The following KHDRBS2 variants were observed in gnomAD, a reference collection of about 807,000 sequenced individuals.
KHDRBS2 encodes KH RNA binding domain containing, signal transduction associated 2, also known as KH domain-containing, RNA-binding, signal transduction-associated protein 2.
In KHDRBS2, 26 loss-of-function variants were observed where a neutral mutation model predicts 44.3. The ratio of observed to expected loss-of-function variants is 0.59; its 90% CI spans 0.43 to 0.81. KHDRBS2 has a LOEUF of 0.81. KHDRBS2 is among the 40% of genes least tolerant of loss of function. The probability of loss-of-function intolerance (pLI) is 0.00; values close to 1 mark genes in which losing one functional copy is unlikely to be tolerated. For synonymous variants in KHDRBS2, 194 were observed against 151.1 expected, an observed-to-expected ratio of 1.28 and a Z score of -2.08; for missense variants, 476 against 433.1, an observed-to-expected ratio of 1.10 and a Z score of -0.88.
chr6:61,926,088 T>C (rs1328432935), intron 4 of KHDRBS2, among the ~76,000 whole-genome samples: 3 of 152,298 alleles, frequency 2.0e-5, no homozygotes, highest in East Asian at 1.9e-4. Context: ...TTTAATGTTA[T>C]ATAAAAGTAC....
intron 6 of KHDRBS2, among the ~76,000 whole-genome samples, chr6:61,841,566 A>G (rs1793611844): frequency 6.6e-6 from 1 of 152,162 alleles, no homozygotes; most frequent in Non-Finnish European, 1.5e-5. Context: ...TTTACTAATG[A>G]CATGGTCTTA....
At chr6:62,139,362 C>T (rs1812269348) in intron 2 of KHDRBS2, among the ~76,000 whole-genome samples, 1 of 152,002 alleles carries the variant, frequency 6.6e-6, no homozygotes, top group South Asian at 2.1e-4. Flanking sequence ...ACCATCCTGG[C>T]TAACACAGTG....
intron 7 of KHDRBS2, among the ~76,000 whole-genome samples, chr6:61,709,325 C>T (rs781319718): frequency 2.0e-5 from 3 of 151,468 alleles, no homozygotes; most frequent in Non-Finnish European, 4.4e-5. Context: ...AGGACAGTGA[C>T]ATATTTGCTC....
At chr6:61,552,355 T>C in the KHDRBS2 span, among the ~76,000 whole-genome samples, 1 of 152,176 alleles carries the variant, frequency 6.6e-6, no homozygotes, top group Non-Finnish European at 1.5e-5. Flanking sequence ...TTTTTGTACA[T>C]TGATTTTGTA....
intron 2 of KHDRBS2, 145 bp from the exon 3 acceptor site, chr6:62,048,139 C>A: frequency 1.7e-6 from 1 of 595,466 alleles, no homozygotes; most frequent in Non-Finnish European, 3.0e-6. Context: ...CACACACACA[C>A]ACACACACAC....
At chr6:61,858,977 G>A (rs1796534675) in intron 6 of KHDRBS2, among the ~76,000 whole-genome samples, 1 of 151,772 alleles carries the variant, frequency 6.6e-6, no homozygotes, top group African/African-American at 2.4e-5. Context: ...TGGAAAATAT[G>A]GAACAAACAG....
chr6:61,597,759 C>CATAT, the KHDRBS2 span, among the ~76,000 whole-genome samples: 3 of 50,116 alleles, frequency 6.0e-5, no homozygotes, highest in Non-Finnish European at 1.2e-4. Flanking sequence ...TATATATATA[C>CATAT]ATATATATAT....
intron 4 of KHDRBS2, among the ~76,000 whole-genome samples, chr6:61,960,457 C>T (rs1162254786): frequency 1.3e-5 from 2 of 152,084 alleles, no homozygotes; most frequent in Admixed American, 1.3e-4. Context: ...TTACACTCAA[C>T]TAACCAATTA....
At chr6:61,808,770 T>C (rs565069602) in intron 6 of KHDRBS2, among the ~76,000 whole-genome samples, 1 of 152,240 alleles carries the variant, frequency 6.6e-6, no homozygotes, top group Non-Finnish European at 1.5e-5. Flanking sequence ...TACAGGAATG[T>C]AAAAAATACA....
chr6:61,969,556 T>C (rs558299928), intron 4 of KHDRBS2, among the ~76,000 whole-genome samples: 1 of 152,182 alleles, frequency 6.6e-6, no homozygotes, highest in African/African-American at 2.4e-5. Flanking sequence ...ATTTCTTTTT[T>C]CACTTATAAA....
At chr6:61,952,714 T>C (rs965749111) in intron 4 of KHDRBS2, among the ~76,000 whole-genome samples, 14 of 152,172 alleles carry the variant, frequency 9.2e-5, no homozygotes, top group African/African-American at 3.1e-4. Flanking sequence ...ACTATGAAGA[T>C]TGCATGATTA....
the KHDRBS2 span, among the ~76,000 whole-genome samples, chr6:61,610,468 G>C: frequency 6.6e-6 from 1 of 152,068 alleles, no homozygotes; most frequent in Non-Finnish European, 1.5e-5. Flanking sequence ...GTGTTTGTGG[G>C]TCAGAATCTC....
At chr6:61,639,948 C>A in the KHDRBS2 span, among the ~76,000 whole-genome samples, 2 of 151,902 alleles carry the variant, frequency 1.3e-5, no homozygotes, top group Non-Finnish European at 2.9e-5. Flanking sequence ...TATGTACAGA[C>A]ATAGTAACCA....
chr6:61,835,096 G>A (rs1792439925), intron 6 of KHDRBS2, among the ~76,000 whole-genome samples: 1 of 151,922 alleles, frequency 6.6e-6, no homozygotes, highest in Non-Finnish European at 1.5e-5. Flanking sequence ...TTTTAAGTTT[G>A]CCAATTTCAT....
chr6:62,222,325 G>A (rs1310851810), intron 1 of KHDRBS2, among the ~76,000 whole-genome samples: 1 of 152,024 alleles, frequency 6.6e-6, no homozygotes, highest in African/African-American at 2.4e-5. Flanking sequence ...ACCCAAGACT[G>A]GGGAGAAAAA....
At chr6:62,144,912 T>C (rs1813604811) in intron 2 of KHDRBS2, among the ~76,000 whole-genome samples, 1 of 151,872 alleles carries the variant, frequency 6.6e-6, no homozygotes, top group Non-Finnish European at 1.5e-5. Flanking sequence ...ACATTAAAGG[T>C]AAGTCCTTAG....
At chr6:62,197,894 A>G (rs1356445560) in intron 1 of KHDRBS2, among the ~76,000 whole-genome samples, 5 of 152,184 alleles carry the variant, frequency 3.3e-5, no homozygotes, top group African/African-American at 1.2e-4. Flanking sequence ...TGTCTCTCAG[A>G]CCACAGTGCA....
intron 2 of KHDRBS2, among the ~76,000 whole-genome samples, chr6:62,065,137 G>A (rs1490370647): frequency 6.6e-6 from 1 of 150,714 alleles, no homozygotes; most frequent in Non-Finnish European, 1.5e-5. Context: ...GAAACAACAG[G>A]TGCTGGAGAG....
chr6:62,085,084 T>C (rs1185800694), intron 2 of KHDRBS2, among the ~76,000 whole-genome samples: 1 of 152,314 alleles, frequency 6.6e-6, no homozygotes, highest in East Asian at 1.9e-4. Context: ...AATATTACTC[T>C]ATTAGAATTC....
Sources: allele counts gnomAD v4.1 joint callset (sites outside exome capture counted in the v4.1 genomes callset), GRCh38; gene constraint gnomAD v4.1.1; transcripts MANE v1.5; gene names NCBI Gene and HGNC (gene_info 2026-07-23, HGNC 2026-07-21).